The following PDE4B variants were observed in gnomAD, a reference collection of about 807,000 sequenced individuals.
The protein encoded by PDE4B is 3',5'-cyclic-AMP phosphodiesterase 4B.
A neutral mutation model predicts 82.2 loss-of-function variants in PDE4B; 20 were observed. The ratio of observed to expected loss-of-function variants is 0.24; its 90% confidence interval spans 0.17 to 0.35. PDE4B has a LOEUF of 0.35. Ranked by LOEUF, PDE4B falls within the 10% of genes least tolerant of loss-of-function variation. The pLI is 1.00. For missense variants in PDE4B, 655 were observed against 907.2 expected (o/e 0.72, Z 3.57); for synonymous variants, 320 against 318.9 (o/e 1.00, Z -0.04).
intron 3 of PDE4B, among the ~76,000 whole-genome samples, chr1:66,244,303 T>A (rs1321113045): frequency 6.6e-6 from 1 of 152,220 alleles, no homozygotes; most frequent in Non-Finnish European, 1.5e-5. Flanking sequence ...CTCTATTGTC[T>A]ACGTTTTATA....
In PDE4B at chr1:65,877,656, T is replaced by C. The variant is rs193146959; in HGVS notation, c.-70-35589T>C. ...ATAAATAAATAAATAAATAAATAAA[T>C]AGTGCTGGGAAAACTGACTAGTCAT... On this transcript the variant is annotated intron_variant, in intron 1 of 16. Transcript: ENST00000341517. 5.7e-3 allele frequency among the ~76,000 whole-genome samples: 848 copies of C among 150,024 alleles called. 10 individuals are homozygous for C. The highest frequency in any genetic ancestry group is 0.038 in the South Asian group (182 of 4,756).
chr1:65,830,745 C>G (rs1425884082), intron 1 of PDE4B, among the ~76,000 whole-genome samples: 5 of 152,000 alleles, frequency 3.3e-5, no homozygotes, highest in African/African-American at 1.2e-4. Context: ...GCAATGTGAT[C>G]CTGGAATAGA....
chr1:65,871,796 T>A (rs1255692416), intron 1 of PDE4B, among the ~76,000 whole-genome samples: 3 of 152,202 alleles, frequency 2.0e-5, no homozygotes, highest in Non-Finnish European at 4.4e-5. Context: ...ATAAAAATCA[T>A]GTAATAATGC....
At chr1:66,225,702 T>C (rs1365493914) in intron 3 of PDE4B, among the ~76,000 whole-genome samples, 1 of 152,250 alleles carries the variant, frequency 6.6e-6, no homozygotes, top group Non-Finnish European at 1.5e-5. Context: ...AATCCAGCTG[T>C]GAAATCTTTT....
chr1:66,282,477 G>A (rs1232352314), intron 7 of PDE4B, among the ~76,000 whole-genome samples: 1 of 152,188 alleles, frequency 6.6e-6, no homozygotes, highest in Non-Finnish European at 1.5e-5. Context: ...TTTCAGATCA[G>A]TAGTGAAACT....
In PDE4B at chr1:66,152,609, CAT is replaced by C. The variant is rs889178500; in HGVS notation, c.282-94842_282-94841del. 6.2e-5 allele frequency: 9 copies of C among 144,802 alleles called. No individual in the cohort carries two copies. The East Asian group carries it at 8.6e-4, about 14-fold the overall frequency. The allele number at this position is 144,802 out of a possible 1,614,324, so 9.0% of individuals were successfully genotyped here. A position where few individuals can be genotyped will look rare whatever the true frequency, so the allele number is the denominator to read the frequency against. Reference sequence around the variant, plus strand: ...ATATATGTGTGTGTGTGTGTATACACATATATATATTTATATATGTGTATACA... The same window carrying C: ...ATATATGTGTGTGTGTGTGTATACACATATATATTTATATATGTGTATACA... On this transcript the variant is annotated intron_variant, in intron 3 of 16. Transcript: ENST00000341517.
At chr1:66,059,307 G>A (rs7548630) in intron 3 of PDE4B, among the ~76,000 whole-genome samples, 32,918 of 151,944 alleles carry the variant, frequency 0.22, 4,105 homozygotes, top group Middle Eastern at 0.36. Context: ...ACATTTTCTT[G>A]TCTTCTTCTG....
At chr1:65,816,190 A>AGTATGTGTGT (rs1553186974) in intron 1 of PDE4B, among the ~76,000 whole-genome samples, 3 of 132,886 alleles carry the variant, frequency 2.3e-5, no homozygotes, top group African/African-American at 8.5e-5. Context: ...TTATTAATGC[A>AGTATGTGTGT]GTGTGTGTGT....
At chr1:65,875,108 A>C (rs1646624041) in intron 1 of PDE4B, among the ~76,000 whole-genome samples, 1 of 152,066 alleles carries the variant, frequency 6.6e-6, no homozygotes, top group African/African-American at 2.4e-5. Context: ...GTACAAGAAA[A>C]AAACAAACAA....
intron 8 of PDE4B, among the ~76,000 whole-genome samples, chr1:66,341,175 T>C (rs1660953295): frequency 6.6e-6 from 1 of 152,248 alleles, no homozygotes; most frequent in African/African-American, 2.4e-5. Flanking sequence ...CCTAATGTAC[T>C]CCAAATAACT....
intron 9 of PDE4B, chr1:66,360,451 C>G (rs1662670031): frequency 6.6e-6 from 1 of 152,172 alleles, no homozygotes; most frequent in African/African-American, 2.4e-5. Context: ...CAAAACAAAT[C>G]GTCTAGATCC....
rs184565216 is a variant in PDE4B at position 66,109,378 on chromosome 1, G to A, written c.282-138082G>A. ...AAGTAATTTTATTTTTCAGATTTTT[G>A]AAAGCTGGAGAGATGAGGATGGGGG... On this transcript the variant is annotated intron_variant, in intron 3 of 16. Transcript: ENST00000341517. Among the ~76,000 whole-genome samples the A allele has an allele frequency of 7.2e-5, 11 of 151,854 alleles. No homozygotes were observed. In the East Asian group the frequency reaches 2.1e-3, roughly 29 times the overall value.
At chr1:66,243,322 T>C (rs1653032814) in intron 3 of PDE4B, among the ~76,000 whole-genome samples, 1 of 152,170 alleles carries the variant, frequency 6.6e-6, no homozygotes, top group South Asian at 2.1e-4. Context: ...AGTTATAGTA[T>C]ATTTTAGTTG....
At chr1:66,182,335 A>C (rs1052964690) in intron 3 of PDE4B, among the ~76,000 whole-genome samples, 1 of 152,160 alleles carries the variant, frequency 6.6e-6, no homozygotes, top group Admixed American at 6.6e-5. Flanking sequence ...TTTTGGGGAA[A>C]TATAATAATT....
chr1:65,935,128 TA>T (rs1242880937), intron 3 of PDE4B, among the ~76,000 whole-genome samples: 5 of 152,096 alleles, frequency 3.3e-5, no homozygotes, highest in Admixed American at 2.0e-4. Flanking sequence ...CAATTCTTAG[TA>T]AAATTAATAG....
At chr1:66,042,873 C>T (rs1312098671) in intron 3 of PDE4B, 3 of 151,646 alleles carry the variant, frequency 2.0e-5, no homozygotes, top group Non-Finnish European at 3.0e-5. Context: ...TTTCCAACAC[C>T]AACAGTAATA....
chr1:66,344,926 C>G (rs940783468), intron 8 of PDE4B, among the ~76,000 whole-genome samples: 2 of 152,180 alleles, frequency 1.3e-5, no homozygotes, highest in Admixed American at 1.3e-4. Flanking sequence ...CCTGTGGTAC[C>G]AGGATAGAGC....
intron 3 of PDE4B, among the ~76,000 whole-genome samples, chr1:66,156,777 T>C (rs949276429): frequency 4.9e-4 from 74 of 152,212 alleles, no homozygotes; most frequent in Admixed American, 1.6e-3. Context: ...CCATCGTGTC[T>C]ATTCACTCTC....
At chr1:66,068,961 C>T (rs1656012113) in intron 3 of PDE4B, among the ~76,000 whole-genome samples, 1 of 151,952 alleles carries the variant, frequency 6.6e-6, no homozygotes, top group African/African-American at 2.4e-5. Flanking sequence ...TTGTTGTCTT[C>T]ATAAAGTCCT....
Sources: gnomAD v4.1 joint callset for allele counts (sites outside exome capture counted in the v4.1 genomes callset) on GRCh38, gnomAD v4.1.1 for gene constraint, MANE v1.5 for transcripts, NCBI Gene and HGNC (gene_info 2026-07-23, HGNC 2026-07-21) for gene names.